The following TRIM24 variants were observed in gnomAD, a reference collection of about 807,000 sequenced individuals.
TRIM24 encodes the protein transcription intermediary factor 1-alpha.
A neutral mutation model predicts 123.9 loss-of-function variants in TRIM24; 29 were observed. That is an observed-to-expected ratio of 0.23 (90% CI 0.17 to 0.32). The LOEUF (loss-of-function observed/expected upper bound fraction) is 0.32. TRIM24 is among the 10% of genes least tolerant of loss of function. TRIM24 has a pLI of 1.00. For synonymous variants in TRIM24, 456 were observed against 461.1 expected (o/e 0.99, Z 0.14); for missense variants, 932 against 1,295.3 (o/e 0.72, Z 4.31).
chr7:138,584,973 G>A lies in TRIM24; in HGVS notation c.*22G>A. Reference sequence around the variant, plus strand: ...ATAATATGCAGCACCACTAGCTTGTGCTGGTTTTTAGATTTTTTTGTTTTC... The same window carrying A: ...ATAATATGCAGCACCACTAGCTTGTACTGGTTTTTAGATTTTTTTGTTTTC... On this transcript the variant is annotated 3_prime_UTR_variant, in exon 19 of 19. Transcript: ENST00000343526. The A allele has an allele frequency of 6.4e-7, 1 of 1,560,028 alleles. No homozygotes were observed. Among genetic ancestry groups the A allele is most frequent in the Non-Finnish European group, 8.6e-7 (1 of 1,158,826 alleles).
chr7:138,520,702 A>G (rs1029348003), intron 4 of TRIM24, among the ~76,000 whole-genome samples: 4 of 152,018 alleles, frequency 2.6e-5, no homozygotes, highest in African/African-American at 4.8e-5. Flanking sequence ...AAGAAAGAAA[A>G]CCCTAAAAAT....
rs1009928569 is a variant in TRIM24, at chr7:138,554,210, C to G, written c.1262-488C>G. 2.0e-5 allele frequency among the ~76,000 whole-genome samples: 3 copies of G among 152,142 alleles called. No individual in the cohort carries two copies. The highest frequency in any genetic ancestry group is 7.2e-5 in the African/African-American group (3 of 41,424). On this transcript the variant is annotated intron_variant, in intron 8 of 18. Transcript: ENST00000343526. The surrounding 1 kb of genome is among the most constrained non-coding windows in gnomAD (Gnocchi z 4.5). ...TCTTCTTAGGCCATACAGGGTCACTCACAGGGTACACTTAAGTTATTGCTG... is the reference window on the plus strand; with the variant it reads ...TCTTCTTAGGCCATACAGGGTCACTGACAGGGTACACTTAAGTTATTGCTG...
At chr7:138,521,772 A>G (rs1796508380) in intron 4 of TRIM24, among the ~76,000 whole-genome samples, 1 of 152,220 alleles carries the variant, frequency 6.6e-6, no homozygotes, top group Non-Finnish European at 1.5e-5. Context: ...TATAAATATT[A>G]ACCAAAGGCA....
At chr7:138,546,869 C>G (rs142389825) in intron 7 of TRIM24, among the ~76,000 whole-genome samples, 87 of 152,252 alleles carry the variant, frequency 5.7e-4, no homozygotes, top group African/African-American at 1.9e-3. Context: ...CCATAGAAAA[C>G]AGTATGGAAG....
intron 7 of TRIM24, among the ~76,000 whole-genome samples, chr7:138,546,662 C>G (rs1456623523): frequency 6.6e-6 from 1 of 152,104 alleles, no homozygotes; most frequent in Non-Finnish European, 1.5e-5. Context: ...GTGGTCATAA[C>G]TTAACACTCA....
chr7:138,578,532 T>TTGTGTGTGTGTGTGTG (rs142839380), intron 14 of TRIM24, among the ~76,000 whole-genome samples: 22 of 146,894 alleles, frequency 1.5e-4, no homozygotes, highest in African/African-American at 5.0e-4. Context: ...GGTGGTGGTT[T>TTGTGTGTGTGTGTGTG]TGTGTGTGTG....
chr7:138,474,945 G>A (rs971251626), intron 1 of TRIM24, among the ~76,000 whole-genome samples: 3 of 152,190 alleles, frequency 2.0e-5, no homozygotes, highest in African/African-American at 7.2e-5. Flanking sequence ...GAAAAGGGGT[G>A]ACAAAGTAGT....
At chr7:138,577,889 G>A (rs10261236) in intron 14 of TRIM24, among the ~76,000 whole-genome samples, 2,638 of 152,104 alleles carry the variant, frequency 0.017, 66 homozygotes, top group African/African-American at 0.059. Flanking sequence ...AAACATTTTC[G>A]TGCAAGTTCT....
At chr7:138,503,511 T>A (rs1796085900) in intron 1 of TRIM24, among the ~76,000 whole-genome samples, 1 of 152,088 alleles carries the variant, frequency 6.6e-6, no homozygotes, top group Admixed American at 6.5e-5. Context: ...ACATATGAAA[T>A]TGGCCTTTGG....
At chr7:138,508,680 T>TGCGCGCGCGTGCGC (rs777842191) in intron 2 of TRIM24, among the ~76,000 whole-genome samples, 2 of 97,110 alleles carry the variant, frequency 2.1e-5, no homozygotes, top group African/African-American at 5.3e-5. Context: ...TGTGTGTGTG[T>TGCGCGCGCGTGCGC]GTGTGTGTGT....
chr7:138,461,226 G>T (rs1369067760), intron 1 of TRIM24: 1 of 633,346 alleles, frequency 1.6e-6, no homozygotes, highest in African/African-American at 1.8e-5. Flanking sequence ...GTCTCCTGCA[G>T]CCGGAATCTC....
chr7:138,577,674 T>A (rs923369684), intron 14 of TRIM24, 86 bp downstream of exon 14: 5 of 1,114,828 alleles, frequency 4.5e-6, no homozygotes, highest in Admixed American at 3.1e-5. Flanking sequence ...AGTTTTTTTT[T>A]AATGTTATAT....
chr7:138,568,379 C>CTTTTTTTTTTTTTTTTTT lies in TRIM24; in HGVS notation c.1704+738_1704+755dup, dbSNP rs60386130. Among the ~76,000 whole-genome samples, 42 of 68,704 alleles carry CTTTTTTTTTTTTTTTTTT rather than the reference C, an allele frequency of 6.1e-4. 6 individuals carry two copies. Among genetic ancestry groups the CTTTTTTTTTTTTTTTTTT allele is most frequent in the Non-Finnish European group, 8.3e-4 (33 of 39,858 alleles). The allele number at this position is 68,704 out of a possible 152,430, so 45.1% of individuals were successfully genotyped here. A position where few individuals can be genotyped will look rare whatever the true frequency, so the allele number is the denominator to read the frequency against. On this transcript the variant is annotated intron_variant, in intron 10 of 18. Transcript: ENST00000343526. ...CTCGTAAGCCACCGTACCTGGCCTC[C>CTTTTTTTTTTTTTTTTTT]TTTTTTTTTTTTTTTTTTTTTTTTT...
chr7:138,460,595 C>T lies in TRIM24; in HGVS notation c.47C>T (p.Ser16Leu), dbSNP rs1418259858. The change falls in exon 1 of 19, where the codon TCG becomes TTG. Residue 16 changes from serine to leucine, a missense_variant. Physicochemically the swap from Ser to Leu is moderately radical, Grantham distance 145. This residue lies in a region of TRIM24 where 164 missense variants were observed against 181.9 expected (regional missense o/e 0.90). Coordinates refer to ENST00000343526, the MANE Select transcript of TRIM24 (RefSeq NM_015905.3). Reference sequence around the variant, plus strand: ...GCGGTGGCGGCGGCGGCAGCGGCCTCGGCTGCGGCCTCCGGGGGGCCCTCG... The same window carrying T: ...GCGGTGGCGGCGGCGGCAGCGGCCTTGGCTGCGGCCTCCGGGGGGCCCTCG... ...EKAVAAAAAA[S>L]AAASGGPSAA... 2 of 1,335,198 alleles carry T rather than the reference C, an allele frequency of 1.5e-6. No individual in the cohort carries two copies. Among genetic ancestry groups the T allele is most frequent in the Non-Finnish European group, 1.9e-6 (2 of 1,052,806 alleles). 82.7% of individuals were successfully genotyped at this position (1,335,198 alleles called of 1,614,324 possible).
Position 138,585,064 on chromosome 7 carries a change from T to G in TRIM24, c.*113T>G. ...AAGAGTTTGTGACTATTCTCATCTC[T>G]GTTTTGGACGTTTACTAGACTTTGA... On this transcript the variant is annotated 3_prime_UTR_variant, in exon 19 of 19. Transcript: ENST00000343526. 1 of 891,344 alleles carries G rather than the reference T, an allele frequency of 1.1e-6. No individual in the cohort carries two copies. Among genetic ancestry groups the G allele is most frequent in the Non-Finnish European group, 1.7e-6 (1 of 605,916 alleles). The allele number at this position is 891,344 out of a possible 1,614,324, so 55.2% of individuals were successfully genotyped here.
At chr7:138,529,780 A>C (rs959255656) in intron 6 of TRIM24, among the ~76,000 whole-genome samples, 1 of 152,196 alleles carries the variant, frequency 6.6e-6, no homozygotes, top group African/African-American at 2.4e-5. Context: ...TTTAAAACTC[A>C]TGAAGGTCAA....
chr7:138,485,223 A>G lies in TRIM24; in HGVS notation c.365-19067A>G, dbSNP rs1031105133. Among the ~76,000 whole-genome samples, 37 of 152,254 alleles carry G rather than the reference A, an allele frequency of 2.4e-4. 1 individual carries two copies. The highest frequency in any genetic ancestry group is 8.9e-4 in the African/African-American group (37 of 41,568). The stretch of plus-strand genomic sequence containing the variant: ...TGAGTACTTTTTTTTACAGTAGTAA[A>G]ATATACATAACATAAAATTTACTAC... On this transcript the variant is annotated intron_variant, in intron 1 of 18. Coordinates refer to ENST00000343526, the MANE Select transcript of TRIM24 (RefSeq NM_015905.3).
intron 2 of TRIM24, among the ~76,000 whole-genome samples, chr7:138,506,302 T>C (rs991001292): frequency 6.6e-6 from 1 of 152,210 alleles, no homozygotes; most frequent in African/African-American, 2.4e-5. Context: ...AAGAAACATA[T>C]TTATGTAGGC....
chr7:138,493,507 T>C (rs2116503871), intron 1 of TRIM24, among the ~76,000 whole-genome samples: 1 of 152,374 alleles, frequency 6.6e-6, no homozygotes. Flanking sequence ...CCATTATCTC[T>C]GTATCTGCTT....
Sources: allele counts gnomAD v4.1 joint callset (sites outside exome capture counted in the v4.1 genomes callset), GRCh38; gene constraint gnomAD v4.1.1; regional missense constraint gnomAD v4.1.1; non-coding constraint Gnocchi (gnomAD v3.1); transcripts MANE v1.5; gene names NCBI Gene and HGNC (gene_info 2026-07-23, HGNC 2026-07-21).